MAP1A: variants seen among roughly 807,000 people sequenced by gnomAD.
The protein encoded by MAP1A is microtubule associated protein 1A, also known as microtubule-associated protein 1A.
MAP1A carries 42 observed loss-of-function variants against 185.9 expected under a neutral mutation model. The ratio of observed to expected loss-of-function variants is 0.23; its 90% CI spans 0.18 to 0.29. The LOEUF (loss-of-function observed/expected upper bound fraction) is 0.29. MAP1A is among the 10% of genes least tolerant of loss of function. The pLI, the probability that MAP1A is intolerant of heterozygous loss-of-function variation, is 1.00. For missense variants in MAP1A, 2,995 were observed against 3,450.4 expected (o/e 0.87, Z 3.31); for synonymous variants, 1,229 against 1,335.9 (o/e 0.92, Z 1.74).
chr15:43,527,933 C>T lies in MAP1A; in HGVS notation c.6460C>T (p.Leu2154=), dbSNP rs1047075221. The T allele has an allele frequency of 1.2e-6, 2 of 1,614,196 alleles. No homozygotes were observed. The highest frequency in any genetic ancestry group is 1.7e-6 in the Non-Finnish European group (2 of 1,180,038). The part of the protein sequence containing the change: ...AHVSPPLDSH[L]GPARPSLDFP... ...TGTTAGCCCTCCCTTGGACTCACAC[C>T]TGGGGCCTGCCCGACCCAGTCTGGA... The change falls in exon 4 of 6, where the codon CTG becomes TTG. Residue 2154 remains leucine (L), a synonymous_variant. Coordinates refer to ENST00000300231, the MANE Select transcript of MAP1A (RefSeq NM_002373.6).
At chr15:43,517,134 C>A (rs1433276662), upstream of MAP1A, among the ~76,000 whole-genome samples, 1 of 152,130 alleles carries the variant, frequency 6.6e-6, no homozygotes, top group East Asian at 1.9e-4. Context: ...ATCTCTGCAT[C>A]CCCAACCTTT....
chr15:43,529,574 A>C lies in MAP1A; in HGVS notation c.8035+66A>C. The C allele has an allele frequency of 6.2e-7, 1 of 1,604,480 alleles. No homozygotes were observed. The highest frequency in any genetic ancestry group is 8.5e-7 in the Non-Finnish European group (1 of 1,172,252). On this transcript the variant is annotated intron_variant, in intron 4 of 5. Transcript: ENST00000300231. This position sits in a 1 kb window ranked among gnomAD's most constrained non-coding sequence, Gnocchi z 4.3. ...GCTGGGTGTGGGCTGGTCAGACTTC[A>C]GGAGTGGGACAGAGGGGAAGGTTGC...
In MAP1A at chr15:43,521,228, C is replaced by A; in HGVS notation, c.-150-96C>A. 1 of 1,474,444 alleles carries A rather than the reference C, an allele frequency of 6.8e-7. No homozygotes were observed. Among genetic ancestry groups the A allele is most frequent in the Non-Finnish European group, 9.0e-7 (1 of 1,116,048 alleles). The allele number at this position is 1,474,444 out of a possible 1,614,324, so 91.3% of individuals were successfully genotyped here. A position where few individuals can be genotyped will look rare whatever the true frequency, so the allele number is the denominator to read the frequency against. Reference sequence around the variant, plus strand: ...GGGGCCCTGGCAGAAAGGTAAGAGTCCACCTTGGAAAGAGGTGAAGATTAG... The same window carrying A: ...GGGGCCCTGGCAGAAAGGTAAGAGTACACCTTGGAAAGAGGTGAAGATTAG... On this transcript the variant is annotated intron_variant, in intron 3 of 5. Transcript: ENST00000300231. The surrounding 1 kb of genome is among the most constrained non-coding windows in gnomAD (Gnocchi z 4.6).
chr15:43,513,139 A>G (rs1448952117), upstream of MAP1A, among the ~76,000 whole-genome samples: 1 of 151,846 alleles, frequency 6.6e-6, no homozygotes, highest in Non-Finnish European at 1.5e-5. Flanking sequence ...GGCCAGCCTG[A>G]CCAACGGAGA....
chr15:43,524,533 G>T lies in MAP1A; in HGVS notation c.3060G>T (p.Glu1020Asp). 6.2e-7 allele frequency: 1 copy of T among 1,614,166 alleles called. No homozygotes were observed. Among genetic ancestry groups the T allele is most frequent in the Non-Finnish European group, 8.5e-7 (1 of 1,180,032 alleles). Residue 1020 changes from glutamate to aspartate, a missense_variant, in exon 4 of 6, where the codon GAG (glutamate) becomes GAT (aspartate). This residue lies in a region of MAP1A where 2,728 missense variants were observed against 2,986.0 expected (regional missense o/e 0.91). Coordinates refer to ENST00000300231, the MANE Select transcript of MAP1A (RefSeq NM_002373.6). ...FHQSPVEEKS[E>D]PQDFQEADSW... ...AGTCCCCAGTGGAAGAAAAGTCTGA[G>T]CCCCAAGACTTTCAGGAGGCAGACT...
In MAP1A at chr15:43,522,383, G is replaced by A. The variant is rs757704711; in HGVS notation, c.910G>A (p.Val304Met). Residue 304 changes from valine (V) to methionine (M), a missense_variant, in exon 4 of 6, where the codon GTG becomes ATG. Physicochemically the swap from Val to Met is conservative, Grantham distance 21. This residue lies in a region of MAP1A where 264 missense variants were observed against 435.3 expected (regional missense o/e 0.61). Transcript: ENST00000300231. The surrounding 1 kb of genome is among the most constrained non-coding windows in gnomAD (Gnocchi z 5.9). ...GCAGAAGGACCTGGCTTCTGGGGCT[G>A]TGCCTACCAACCTCAAGCCCAGCAA... The part of the protein sequence containing the change: ...ATQKDLASGA[V>M]PTNLKPSKIK... 6.2e-6 allele frequency: 10 copies of A among 1,614,046 alleles called. No homozygotes were observed. Among genetic ancestry groups the A allele is most frequent in the Non-Finnish European group, 6.8e-6 (8 of 1,180,034 alleles).
Position 43,521,685 on chromosome 15 carries a change from G to A in MAP1A, c.212G>A (p.Cys71Tyr). The change falls in exon 4 of 6, where the codon TGT becomes TAT. Residue 71 changes from cysteine to tyrosine, a missense_variant. Around this residue, in one of 3 missense-constraint regions of MAP1A, gnomAD observed 264 missense variants for 435.3 expected, o/e 0.61. Transcript: ENST00000300231. This position sits in a 1 kb window ranked among gnomAD's most constrained non-coding sequence, Gnocchi z 4.6. ...GATGGTGGCTCTGATCGCAAGTCCT[G>A]TTTTTGGAAGCTGGTACGGCACTTG... ...LVDGGSDRKS[C>Y]FWKLVRHLDR... The A allele has an allele frequency of 1.9e-6, 3 of 1,614,174 alleles. No individual in the cohort carries two copies. Among genetic ancestry groups the A allele is most frequent in the Non-Finnish European group, 2.5e-6 (3 of 1,180,046 alleles).
At position 43,524,079 on chromosome 15, in the gene MAP1A, T is replaced by G; in HGVS notation, c.2606T>G (p.Leu869Arg). ...TEETGKSSLL[L>R]DTVTSIPSSR... ...GAGACAGGCAAGAGCTCCCTGCTGCTTGACACAGTCACAAGCATCCCTTCC... is the reference window on the plus strand; with the variant it reads ...GAGACAGGCAAGAGCTCCCTGCTGCGTGACACAGTCACAAGCATCCCTTCC... The change falls in exon 4 of 6, where the codon CTT becomes CGT. Residue 869 changes from leucine to arginine, a missense_variant. Leu to Arg is a moderately radical substitution (Grantham distance 102). This residue lies in a region of MAP1A where 2,728 missense variants were observed against 2,986.0 expected (regional missense o/e 0.91). Transcript: ENST00000300231. 6.2e-7 allele frequency: 1 copy of G among 1,614,124 alleles called. No homozygotes were observed. Among genetic ancestry groups the G allele is most frequent in the Non-Finnish European group, 8.5e-7 (1 of 1,180,038 alleles).
At position 43,523,326 on chromosome 15, in the gene MAP1A, A is replaced by G; in HGVS notation, c.1853A>G (p.Glu618Gly). 6.2e-7 allele frequency: 1 copy of G among 1,610,858 alleles called. No individual in the cohort carries two copies. The highest frequency in any genetic ancestry group is 1.1e-5 in the South Asian group (1 of 90,658). Residue 618 changes from glutamate (E) to glycine (G), a missense_variant, in exon 4 of 6, where the codon GAA (glutamate) becomes GGA (glycine). Physicochemically the swap from Glu to Gly is moderately conservative, Grantham distance 98 (BLOSUM62 -2). This residue lies in a region of MAP1A where 2,728 missense variants were observed against 2,986.0 expected (regional missense o/e 0.91). Coordinates refer to ENST00000300231, the MANE Select transcript of MAP1A (RefSeq NM_002373.6). ...RGLDSGAETE[E>G]EKDTWEEKKQ... Reference sequence around the variant, plus strand: ...CTAGACTCTGGGGCTGAAACAGAGGAAGAGAAAGATACCTGGGAGGAAAAG... The same window carrying G: ...CTAGACTCTGGGGCTGAAACAGAGGGAGAGAAAGATACCTGGGAGGAAAAG...
Position 43,528,334 on chromosome 15 carries a change from A to T in MAP1A, c.6861A>T (p.Gly2287=). 6.2e-7 allele frequency: 1 copy of T among 1,614,106 alleles called. No homozygotes were observed. Among genetic ancestry groups the T allele is most frequent in the Non-Finnish European group, 8.5e-7 (1 of 1,180,034 alleles). ...TTGAGGCTGCAGAACAGGAGTCTGGAGAGCTGGACCCAGGAATGGAACCAG... is the reference window on the plus strand; with the variant it reads ...TTGAGGCTGCAGAACAGGAGTCTGGTGAGCTGGACCCAGGAATGGAACCAG... ...PSLEAAEQES[G]ELDPGMEPAA... Residue 2287 remains glycine, a synonymous_variant, in exon 4 of 6, where the codon GGA becomes GGT. Coordinates refer to ENST00000300231, the MANE Select transcript of MAP1A (RefSeq NM_002373.6).
chr15:43,529,067 G>A lies in MAP1A; in HGVS notation c.7594G>A (p.Asp2532Asn), dbSNP rs1003354251. The change falls in exon 4 of 6, where the codon GAC (aspartate) becomes AAC (asparagine). Residue 2532 changes from aspartate to asparagine, a missense_variant. Physicochemically the swap from Asp to Asn is conservative, Grantham distance 23. Transcript: ENST00000300231. The surrounding 1 kb of genome is among the most constrained non-coding windows in gnomAD (Gnocchi z 4.3). ...CPSITAEAAL[D>N]SDEDGDFLPV... ...GTCCATCACAGCTGAGGCAGCCCTC[G>A]ACTCAGATGAAGATGGAGACTTCCT... 7 of 1,613,700 alleles carry A rather than the reference G, an allele frequency of 4.3e-6. No homozygotes were observed. The highest frequency in any genetic ancestry group is 1.3e-5 in the African/African-American group (1 of 74,866).
chr15:43,524,439 A>G lies in MAP1A; in HGVS notation c.2966A>G (p.Asp989Gly). 1 of 1,614,200 alleles carries G rather than the reference A, an allele frequency of 6.2e-7. No homozygotes were observed. Among genetic ancestry groups the G allele is most frequent in the South Asian group, 1.1e-5 (1 of 91,088 alleles). Residue 989 changes from aspartate (D) to glycine (G), a missense_variant, in exon 4 of 6, where the codon GAC becomes GGC. Coordinates refer to ENST00000300231, the MANE Select transcript of MAP1A (RefSeq NM_002373.6). ...GAGGAGCGGTGCCTTAGCCCAGATGACAGCACAGTGAAGATGGCTTCTCCT... is the reference window on the plus strand; with the variant it reads ...GAGGAGCGGTGCCTTAGCCCAGATGGCAGCACAGTGAAGATGGCTTCTCCT... Reference protein sequence around the residue: ...EAEERCLSPDDSTVKMASPPP... With the variant: ...EAEERCLSPDGSTVKMASPPP...
upstream of MAP1A, among the ~76,000 whole-genome samples, chr15:43,514,254 G>C (rs1397584122): frequency 6.6e-6 from 1 of 152,108 alleles, no homozygotes; most frequent in Non-Finnish European, 1.5e-5. Context: ...TTTTTATCAT[G>C]GTCTGTCTAT....
At chr15:43,512,640 G>A (rs574373395), upstream of MAP1A, among the ~76,000 whole-genome samples, 4 of 152,196 alleles carry the variant, frequency 2.6e-5, no homozygotes, top group South Asian at 4.2e-4. Context: ...TGCATACCCC[G>A]GGTCTCCCTG....
Position 43,531,149 on chromosome 15 carries a change from C to T in MAP1A, c.*925C>T, listed in dbSNP as rs1019451782. 2 of 152,772 alleles carry T rather than the reference C, an allele frequency of 1.3e-5. No homozygotes were observed. The highest frequency in any genetic ancestry group is 2.9e-5 in the Non-Finnish European group (2 of 68,156). 9.5% of individuals were successfully genotyped at this position (152,772 alleles called of 1,614,324 possible). On this transcript the variant is annotated 3_prime_UTR_variant, in exon 6 of 6. Transcript: ENST00000300231. ...ACACCCCAGCAATGTGTGACTCCCC[C>T]AACATTCCACTATGCCATCCTGCAG...
At chr15:43,516,044 T>C (rs1436754068), upstream of MAP1A, among the ~76,000 whole-genome samples, 1 of 152,208 alleles carries the variant, frequency 6.6e-6, no homozygotes, top group Non-Finnish European at 1.5e-5. Flanking sequence ...AAATGTCTAC[T>C]TAAGTTTCCC....
At position 43,518,783 on chromosome 15, in the gene MAP1A, A is replaced by C. The variant is rs1000634323; in HGVS notation, c.-375+1083A>C. Among the ~76,000 whole-genome samples the C allele has an allele frequency of 3.3e-5, 5 of 150,802 alleles. No individual in the cohort carries two copies. In the East Asian group the frequency reaches 9.7e-4, roughly 29 times the overall value. On this transcript the variant is annotated intron_variant, in intron 1 of 5. Transcript: ENST00000300231. ...ACAAGATGGTCCTCTCTAAAGAAAA[A>C]GGAAAAAACGAGTCAGTTCCCTTCA...
upstream of MAP1A, among the ~76,000 whole-genome samples, chr15:43,517,110 G>C (rs2079300331): frequency 6.6e-6 from 1 of 152,174 alleles, no homozygotes; most frequent in Non-Finnish European, 1.5e-5. Flanking sequence ...CTGAGGTTCA[G>C]AAGAAGGCAG....
upstream of MAP1A, among the ~76,000 whole-genome samples, chr15:43,517,457 ACAGAGC>A (rs1039087206): frequency 1.3e-5 from 2 of 152,044 alleles, no homozygotes; most frequent in Non-Finnish European, 2.9e-5. Flanking sequence ...CCTCAGCCCC[ACAGAGC>A]CAAGCAAAAG....
Sources: gnomAD v4.1 joint callset for allele counts (sites outside exome capture counted in the v4.1 genomes callset) on GRCh38, gnomAD v4.1.1 for gene constraint, gnomAD v4.1.1 regional missense constraint, Gnocchi (gnomAD v3.1) non-coding constraint, MANE v1.5 for transcripts, NCBI Gene and HGNC (gene_info 2026-07-23, HGNC 2026-07-21) for gene names.